ZNF786: variants seen among roughly 807,000 people sequenced by gnomAD.
The protein encoded by ZNF786 is zinc finger protein 786.
Under a neutral mutation model 63.1 loss-of-function variants are expected in ZNF786, and 56 were observed. That is an observed-to-expected ratio of 0.89 (90% CI 0.72 to 1.11). ZNF786 has a LOEUF of 1.11. Ranked by LOEUF, ZNF786 falls within the 50% of genes least tolerant of loss-of-function variation. The pLI is 0.00. For synonymous variants in ZNF786, 485 were observed against 406.9 expected, an observed-to-expected ratio of 1.19 and a Z score of -2.31; for missense variants, 1,213 against 1,041.8, an observed-to-expected ratio of 1.16 and a Z score of -2.26.
intron 2 of ZNF786, among the ~76,000 whole-genome samples, chr7:149,078,077 G>A (rs1192585586): frequency 6.6e-6 from 1 of 151,342 alleles, no homozygotes; most frequent in Non-Finnish European, 1.5e-5. Context: ...CGGCCAGGCT[G>A]GTGTCAAACT....
chr7:149,080,752 G>C (rs1825638483), intron 1 of ZNF786, 35 bp from the exon 2 acceptor site: 2 of 1,560,238 alleles, frequency 1.3e-6, no homozygotes, highest in African/African-American at 1.4e-5. Flanking sequence ...TGCATTCATG[G>C]TTGCTTCAAA....
In ZNF786 at chr7:149,070,658, T is replaced by TGAAAAGGGG; in HGVS notation, c.2113_2114insCCCCTTTTC (p.Phe704_His705insProProPhe). On this transcript the variant is annotated inframe_insertion, in exon 4 of 4. Coordinates refer to ENST00000491431, the MANE Select transcript of ZNF786 (RefSeq NM_152411.4). ...GAAGTTCTTGTCACACTCAGGGCAGTGAAAAGGCCTCTCCCCTGTGTGCAG... is the reference window on the plus strand; with the variant it reads ...GAAGTTCTTGTCACACTCAGGGCAGTGAAAAGGGGGAAAAGGCCTCTCCCCTGTGTGCAG... 3 of 1,613,932 alleles carry TGAAAAGGGG rather than the reference T, an allele frequency of 1.9e-6. No homozygotes were observed. The highest frequency in any genetic ancestry group is 1.7e-6 in the Non-Finnish European group (2 of 1,179,880).
Position 149,074,506 on chromosome 7 carries a change from A to G in ZNF786, c.178T>C (p.Trp60Arg). 1 of 1,613,888 alleles carries G rather than the reference A, an allele frequency of 6.2e-7. No individual in the cohort carries two copies. Among genetic ancestry groups the G allele is most frequent in the African/African-American group, 1.3e-5 (1 of 75,034 alleles). ...DGLPKPELISWIEHGGEPFRK... is the reference protein window; with the variant it reads ...DGLPKPELISRIEHGGEPFRK... ...AAGGGCTCTCCCCCGTGTTCAATCC[A>G]GGATATTAGTTCTGGTTTTGGAAGT... The change falls in exon 3 of 4, where the codon TGG (tryptophan) becomes CGG (arginine). Residue 60 changes from tryptophan to arginine, a missense_variant. Trp to Arg is a moderately radical substitution (Grantham distance 101, BLOSUM62 -3). Transcript: ENST00000491431.
At chr7:149,074,586 C>A in intron 2 of ZNF786, 48 bp from the exon 3 acceptor site, 1 of 1,570,940 alleles carries the variant, frequency 6.4e-7, no homozygotes, top group Non-Finnish European at 8.6e-7. Flanking sequence ...GAATTTAAAG[C>A]ACACTAAGTT....
At chr7:149,090,498 C>A in intron 1 of ZNF786, 125 bp downstream of exon 1, 1 of 1,121,772 alleles carries the variant, frequency 8.9e-7, no homozygotes, top group Non-Finnish European at 1.2e-6. Context: ...CAGAAGCAGC[C>A]TGCAGACTCC....
In ZNF786 at chr7:149,070,667, C is replaced by T. The variant is rs1181453289; in HGVS notation, c.2105G>A (p.Arg702Lys). Reference protein sequence around the residue: ...LSHQGLHTGERPFHCPECDKN... With the variant: ...LSHQGLHTGEKPFHCPECDKN... ...GTCACACTCAGGGCAGTGAAAAGGC[C>T]TCTCCCCTGTGTGCAGGCCCTGATG... Residue 702 changes from arginine to lysine, a missense_variant, in exon 4 of 4, where the codon AGG becomes AAG. Transcript: ENST00000491431. 4 of 1,613,844 alleles carry T rather than the reference C, an allele frequency of 2.5e-6. No homozygotes were observed. The highest frequency in any genetic ancestry group is 1.6e-4 in the Middle Eastern group (1 of 6,078).
At chr7:149,077,451 C>T (rs1317925009) in intron 2 of ZNF786, among the ~76,000 whole-genome samples, 1 of 151,758 alleles carries the variant, frequency 6.6e-6, no homozygotes, top group East Asian at 2.0e-4. Flanking sequence ...CACGGTGAAA[C>T]CCCGTCTCTA....
Position 149,071,838 on chromosome 7 carries a change from G to A in ZNF786, c.934C>T (p.Gln312Ter), listed in dbSNP as rs753646964. The A allele has an allele frequency of 6.3e-7, 1 of 1,594,692 alleles. No homozygotes were observed. The highest frequency in any genetic ancestry group is 8.5e-7 in the Non-Finnish European group (1 of 1,175,104). ...GKRSLPVDSTQARRCQHSREG... is the reference protein window; with the variant it reads ...GKRSLPVDST ...CGGCTGTGCTGGCACCGGCGAGCCT[G>A]CGTGCTGTCCACTGGGAGGGAGCGC... Residue 312 changes from glutamine (Q) to a stop codon, truncating the protein, a stop_gained, in exon 4 of 4, where the codon CAG becomes TAG. Coordinates refer to ENST00000491431, the MANE Select transcript of ZNF786 (RefSeq NM_152411.4). LOFTEE classifies it high-confidence loss of function.
At chr7:149,081,326 C>G (rs1825648040) in intron 1 of ZNF786, 1 of 356,614 alleles carries the variant, frequency 2.8e-6, no homozygotes. Flanking sequence ...ATTCCAGCTA[C>G]TGGAAAGGCT....
rs756755963 is a variant in ZNF786 at position 149,071,760 on chromosome 7, A to T, written c.1012T>A (p.Ser338Thr). The T allele has an allele frequency of 6.3e-7, 1 of 1,588,544 alleles. No homozygotes were observed. The highest frequency in any genetic ancestry group is 1.1e-5 in the South Asian group (1 of 89,890). The change falls in exon 4 of 4, where the codon TCG becomes ACG. Residue 338 changes from serine to threonine, a missense_variant. Physicochemically the swap from Ser to Thr is moderately conservative, Grantham distance 58 (BLOSUM62 1). Coordinates refer to ENST00000491431, the MANE Select transcript of ZNF786 (RefSeq NM_152411.4). ...EGRGASSSVH[S>T]GQKPGSRLPQ... ...AGGCGCGAGCCTGGTTTCTGTCCCG[A>T]GTGCACACTGCTGGAGGCCCCGCGG...
chr7:149,071,248 CGGCCTCTCCCCACCGTGCCGGAGCCGGTG>C lies in ZNF786; in HGVS notation c.1495_1523del (p.His499ValfsTer4). 13 of 1,612,230 alleles carry C rather than the reference CGGCCTCTCCCCACCGTGCCGGAGCCGGTG, an allele frequency of 8.1e-6. No individual in the cohort carries two copies. The highest frequency in any genetic ancestry group is 1.1e-5 in the Non-Finnish European group (13 of 1,179,110). On this transcript the variant is annotated frameshift_variant, in exon 4 of 4. Coordinates refer to ENST00000491431, the MANE Select transcript of ZNF786 (RefSeq NM_152411.4). LOFTEE classifies it high-confidence loss of function. ...CTCTGCCACACTCGCTACAGGAGAA[CGGCCTCTCCCCACCGTGCCGGAGCCGGTG>C]GGCTCTCAGCATGCTCTCCAGGCGG...
At chr7:149,087,989 C>G (rs1206794196) in intron 1 of ZNF786, among the ~76,000 whole-genome samples, 7 of 126,468 alleles carry the variant, frequency 5.5e-5, no homozygotes, top group Non-Finnish European at 1.1e-4. Context: ...CCATGTTGCC[C>G]AGGCTTTTTT....
chr7:149,073,745 G>GTGTATATATATA (rs1416479619), intron 3 of ZNF786, among the ~76,000 whole-genome samples: 1 of 67,778 alleles, frequency 1.5e-5, no homozygotes, highest in African/African-American at 6.2e-5. Context: ...GTGTGTGTGT[G>GTGTATATATATA]TGTATATATA....
At chr7:149,073,054 C>A (rs1430602044) in intron 3 of ZNF786, among the ~76,000 whole-genome samples, 5 of 152,162 alleles carry the variant, frequency 3.3e-5, no homozygotes, top group African/African-American at 1.2e-4. Context: ...GTCTCTAAGA[C>A]CTGGCAGCAA....
Position 149,071,905 on chromosome 7 carries a change from C to T in ZNF786, c.867G>A (p.Pro289=), listed in dbSNP as rs756249966. ...HELTHPSHRL[P]QQGEKPAQCT... ...ACTGGGCAGGCTTCTCCCCCTGCTG[C>T]GGGAGGCGGTGGCTGGGATGGGTCA... Residue 289 remains proline, a synonymous_variant, in exon 4 of 4, where the codon CCG becomes CCA. Transcript: ENST00000491431. The T allele has an allele frequency of 2.5e-6, 4 of 1,604,456 alleles. No homozygotes were observed. The highest frequency in any genetic ancestry group is 1.7e-5 in the Admixed American group (1 of 59,800).
At chr7:149,082,625 G>A (rs1199657748) in intron 1 of ZNF786, 1 of 264,902 alleles carries the variant, frequency 3.8e-6, no homozygotes. Context: ...TCTGTTGCCA[G>A]GCTGGAGTGC....
chr7:149,085,226 G>T (rs1159786110), intron 1 of ZNF786, among the ~76,000 whole-genome samples: 1 of 152,154 alleles, frequency 6.6e-6, no homozygotes, highest in East Asian at 1.9e-4. Flanking sequence ...GTAGTGTGAT[G>T]TCTCCAGCTT....
rs757195813 is a variant in ZNF786 at position 149,071,158 on chromosome 7, C to G, written c.1614G>C (p.Gln538His). The G allele has an allele frequency of 1.2e-6, 2 of 1,611,398 alleles. No individual in the cohort carries two copies. Among genetic ancestry groups the G allele is most frequent in the South Asian group, 2.2e-5 (2 of 91,028 alleles). The change falls in exon 4 of 4, where the codon CAG (glutamine) becomes CAC (histidine). Residue 538 changes from glutamine to histidine, a missense_variant. Gln to His is a conservative substitution (Grantham distance 24). Coordinates refer to ENST00000491431, the MANE Select transcript of ZNF786 (RefSeq NM_152411.4). ...GGAAGCGCTTGTCGCACTTCAGGCACTGGAAGGGCCTCTCCCCGCTGTGCA... is the reference window on the plus strand; with the variant it reads ...GGAAGCGCTTGTCGCACTTCAGGCAGTGGAAGGGCCTCTCCCCGCTGTGCA... ...LRVHSGERPFQCLKCDKRFRL... is the reference protein window; with the variant it reads ...LRVHSGERPFHCLKCDKRFRL...
intron 1 of ZNF786, chr7:149,082,459 T>C (rs1363988244): frequency 8.4e-6 from 6 of 717,062 alleles, no homozygotes; most frequent in African/African-American, 3.7e-5. Flanking sequence ...ATGTAAATTA[T>C]ATATTTGTTA....
Sources: gnomAD v4.1 joint callset for allele counts (sites outside exome capture counted in the v4.1 genomes callset) on GRCh38, gnomAD v4.1.1 for gene constraint, MANE v1.5 for transcripts, NCBI Gene and HGNC (gene_info 2026-07-23, HGNC 2026-07-21) for gene names.